The following SLC34A2 variants were observed in gnomAD, a reference collection of about 807,000 sequenced individuals.
SLC34A2 encodes solute carrier family 34 member 2.
Under a neutral mutation model 50.8 loss-of-function variants are expected in SLC34A2, and 41 were observed. The ratio of observed to expected loss-of-function variants is 0.81; its 90% confidence interval spans 0.63 to 1.05. The LOEUF (loss-of-function observed/expected upper bound fraction) is 1.05. Ranked by LOEUF, SLC34A2 falls within the 50% of genes least tolerant of loss-of-function variation. The pLI, the probability that SLC34A2 is intolerant of heterozygous loss-of-function variation, is 0.00. For synonymous variants in SLC34A2, 401 were observed against 364.2 expected, an observed-to-expected ratio of 1.10 and a Z score of -1.15; for missense variants, 879 against 876.7, an observed-to-expected ratio of 1.00 and a Z score of -0.03.
chr4:25,662,785 G>A lies in SLC34A2; in HGVS notation c.193G>A (p.Glu65Lys). 6.2e-7 allele frequency: 1 copy of A among 1,614,074 alleles called. No homozygotes were observed. The change falls in exon 3 of 13, where the codon GAG (glutamate) becomes AAG (lysine). Residue 65 changes from glutamate to lysine, a missense_variant. Physicochemically the swap from Glu to Lys is moderately conservative, Grantham distance 56. Coordinates refer to ENST00000382051, the MANE Select transcript of SLC34A2 (RefSeq NM_006424.3). ...GGCTACACTGATAGATGAGCCCACTGAGGTGGATGACCCCTGGAACCTACC... is the reference window on the plus strand; with the variant it reads ...GGCTACACTGATAGATGAGCCCACTAAGGTGGATGACCCCTGGAACCTACC... ...STATLIDEPTEVDDPWNLPTL... is the reference protein window; with the variant it reads ...STATLIDEPTKVDDPWNLPTL...
chr4:25,666,149 T>G lies in SLC34A2; in HGVS notation c.401T>G (p.Phe134Cys), dbSNP rs1276601969. Residue 134 changes from phenylalanine to cysteine, a missense_variant, in exon 5 of 13, where the codon TTC (phenylalanine) becomes TGC (cysteine). Coordinates refer to ENST00000382051, the MANE Select transcript of SLC34A2 (RefSeq NM_006424.3). ...CCAGGAAAAATGGCAGGACAGTTCT[T>G]CAGCAACAGCTCTATTATGTCCAAC... is the stretch of plus-strand genomic sequence containing the variant. Reference protein sequence around the residue: ...LVGGKMAGQFFSNSSIMSNPL... With the variant: ...LVGGKMAGQFCSNSSIMSNPL... 1.2e-6 allele frequency: 2 copies of G among 1,613,810 alleles called. No homozygotes were observed. Among genetic ancestry groups the G allele is most frequent in the Non-Finnish European group, 1.7e-6 (2 of 1,180,052 alleles).
chr4:25,674,702 C>T, intron 12 of SLC34A2, 73 bp downstream of exon 12: 1 of 1,590,756 alleles, frequency 6.3e-7, no homozygotes, highest in Non-Finnish European at 8.6e-7. Flanking sequence ...TGGTCTCTAA[C>T]AAGAGCCAGG....
In SLC34A2 at chr4:25,667,878, A is replaced by G. The variant is rs527878085; in HGVS notation, c.524-2A>G. ...TGCTAATGGTACTTTTCCATCCTCT[A>G]GTGCTCACTGTTCGGGCTGCCATCC... On this transcript the variant is annotated splice_acceptor_variant, in intron 5 of 12. Transcript: ENST00000382051. LOFTEE classifies it high-confidence loss of function. 1 of 1,602,548 alleles carries G rather than the reference A, an allele frequency of 6.2e-7. No homozygotes were observed. The highest frequency in any genetic ancestry group is 2.2e-5 in the East Asian group (1 of 44,828).
intron 1 of SLC34A2, among the ~76,000 whole-genome samples, chr4:25,656,135 C>T (rs1183024076): frequency 6.6e-6 from 1 of 152,226 alleles, no homozygotes; most frequent in Non-Finnish European, 1.5e-5. Flanking sequence ...ATCAGCCACA[C>T]TTGTGGATTC....
chr4:25,671,754 C>T, intron 9 of SLC34A2, 33 bp downstream of exon 9: 1 of 1,613,992 alleles, frequency 6.2e-7, no homozygotes, highest in South Asian at 1.1e-5. Context: ...GCCACTATGA[C>T]AGGTGTTGTC....
chr4:25,666,076 T>A, intron 4 of SLC34A2, 52 bp from the exon 5 acceptor site: 1 of 1,604,764 alleles, frequency 6.2e-7, no homozygotes, highest in Non-Finnish European at 8.5e-7. Context: ...GCCCACCTAA[T>A]CCCCCTCGAT....
intron 8 of SLC34A2, 114 bp downstream of exon 8, chr4:25,670,947 A>T: frequency 1.2e-6 from 1 of 867,270 alleles, no homozygotes; most frequent in Non-Finnish European, 1.9e-6. Flanking sequence ...AAATATTGGG[A>T]GTCCCTGAAA....
chr4:25,671,641 C>A lies in SLC34A2; in HGVS notation c.968C>A (p.Thr323Asn), dbSNP rs1714821143. 3 of 1,614,062 alleles carry A rather than the reference C, an allele frequency of 1.9e-6. No individual in the cohort carries two copies. The highest frequency in any genetic ancestry group is 2.7e-5 in the African/African-American group (2 of 74,922). The change falls in exon 9 of 13, where the codon ACC becomes AAC. Residue 323 changes from threonine to asparagine, a missense_variant. Coordinates refer to ENST00000382051, the MANE Select transcript of SLC34A2 (RefSeq NM_006424.3). ...ACTGTTCCCTCGACTGCTAACTGCA[C>A]CTCCCCTTCCCTCTGTTGGACGGAT... Reference protein sequence around the residue: ...NVTVPSTANCTSPSLCWTDGI... With the variant: ...NVTVPSTANCNSPSLCWTDGI...
intron 1 of SLC34A2, among the ~76,000 whole-genome samples, chr4:25,662,116 C>T (rs931491578): frequency 2.0e-5 from 3 of 152,216 alleles, no homozygotes; most frequent in Admixed American, 6.5e-5. Context: ...AGGTGATCCA[C>T]CTGTCTTGGC....
rs1208228191 is a variant in SLC34A2 at position 25,674,530 on chromosome 4, G to A, written c.1359G>A (p.Arg453=). 3.1e-6 allele frequency: 5 copies of A among 1,614,150 alleles called. No individual in the cohort carries two copies. The highest frequency in any genetic ancestry group is 4.2e-6 in the Non-Finnish European group (5 of 1,180,026). The change falls in exon 12 of 13, where the codon AGG becomes AGA. Residue 453 remains arginine (R), a synonymous_variant. Transcript: ENST00000382051. Reference sequence around the variant, plus strand: ...GAATCGGCGTGATAACCATTGAGAGGGCTTATCCACTCACGCTGGGCTCCA... The same window carrying A: ...GAATCGGCGTGATAACCATTGAGAGAGCTTATCCACTCACGCTGGGCTCCA... The part of the protein sequence containing the change: ...LIGIGVITIE[R]AYPLTLGSNI...
intron 3 of SLC34A2, among the ~76,000 whole-genome samples, chr4:25,663,097 C>T (rs527609886): frequency 6.6e-6 from 1 of 152,182 alleles, no homozygotes; most frequent in African/African-American, 2.4e-5. Flanking sequence ...GCCTCAGCCT[C>T]CTGAGTAGCT....
At chr4:25,661,514 A>G (rs898567443) in intron 1 of SLC34A2, among the ~76,000 whole-genome samples, 1 of 152,010 alleles carries the variant, frequency 6.6e-6, no homozygotes, top group African/African-American at 2.4e-5. Context: ...CAGCCTCCTA[A>G]GTAGCTGGGA....
intron 6 of SLC34A2, among the ~76,000 whole-genome samples, chr4:25,668,239 A>G (rs1002102961): frequency 6.6e-6 from 1 of 152,246 alleles, no homozygotes; most frequent in African/African-American, 2.4e-5. Flanking sequence ...GATTAAATAT[A>G]CAACCCAGCA....
chr4:25,664,284 C>A lies in SLC34A2; in HGVS notation c.333C>A (p.Phe111Leu). 1 of 1,607,514 alleles carries A rather than the reference C, an allele frequency of 6.2e-7. No homozygotes were observed. Among genetic ancestry groups the A allele is most frequent in the Non-Finnish European group, 8.5e-7 (1 of 1,176,698 alleles). Residue 111 changes from phenylalanine to leucine, a missense_variant, in exon 4 of 13, where the codon TTC (phenylalanine) becomes TTA (leucine). Physicochemically the swap from Phe to Leu is conservative, Grantham distance 22 (BLOSUM62 0). Transcript: ENST00000382051. The stretch of plus-strand genomic sequence containing the variant: ...TACTTCTCGGATTTCTCTACTTTTT[C>A]GTGTGCTCCCTGGATATTCTTAGTA... ...LILLLGFLYFFVCSLDILSSA... is the reference protein window; with the variant it reads ...LILLLGFLYFLVCSLDILSSA...
intron 1 of SLC34A2, among the ~76,000 whole-genome samples, chr4:25,660,472 C>T (rs906176366): frequency 6.6e-6 from 1 of 152,214 alleles, no homozygotes; most frequent in Admixed American, 6.5e-5. Context: ...AACATCTTCT[C>T]CAGCATAGCA....
chr4:25,660,189 G>A (rs912477176), intron 1 of SLC34A2, among the ~76,000 whole-genome samples: 1 of 152,176 alleles, frequency 6.6e-6, no homozygotes, highest in Non-Finnish European at 1.5e-5. Flanking sequence ...ATGAAGTGAT[G>A]GACAAGACAA....
chr4:25,676,509 C>A lies in SLC34A2; in HGVS notation c.1833C>A (p.Thr611=), dbSNP rs1715131394. The change falls in exon 13 of 13, where the codon ACC becomes ACA. Residue 611 remains threonine, a synonymous_variant. Transcript: ENST00000382051. ...KPWDAVVSKF[T]GCFQMRCCCC... ...GGGATGCCGTCGTCTCCAAGTTCACCGGCTGCTTCCAGATGCGCTGCTGCT... is the reference window on the plus strand; with the variant it reads ...GGGATGCCGTCGTCTCCAAGTTCACAGGCTGCTTCCAGATGCGCTGCTGCT... 6.2e-7 allele frequency: 1 copy of A among 1,614,094 alleles called. No individual in the cohort carries two copies. Among genetic ancestry groups the A allele is most frequent in the East Asian group, 2.2e-5 (1 of 44,872 alleles).
chr4:25,669,581 G>A, intron 6 of SLC34A2, 66 bp from the exon 7 acceptor site: 1 of 1,420,436 alleles, frequency 7.0e-7, no homozygotes, highest in Non-Finnish European at 9.9e-7. Context: ...TACAGGTAAT[G>A]ACCCACCTCA....
chr4:25,670,813 T>C lies in SLC34A2; in HGVS notation c.907T>C (p.Cys303Arg). The change falls in exon 8 of 13, where the codon TGC (cysteine) becomes CGC (arginine). Residue 303 changes from cysteine (C) to arginine (R), a missense_variant. Cys to Arg is a radical substitution (Grantham distance 180). Coordinates refer to ENST00000382051, the MANE Select transcript of SLC34A2 (RefSeq NM_006424.3). ...AKNKSLVKIW[C>R]KTFTNKTQIN... ...AAACAAGAGTCTTGTCAAGATTTGG[T>C]GCAAAACTTTTACCAACAAGGTACG... is the stretch of plus-strand genomic sequence containing the variant. 6.2e-7 allele frequency: 1 copy of C among 1,613,932 alleles called. No homozygotes were observed. Among genetic ancestry groups the C allele is most frequent in the Non-Finnish European group, 8.5e-7 (1 of 1,179,796 alleles).
Sources: allele counts gnomAD v4.1 joint callset (sites outside exome capture counted in the v4.1 genomes callset), GRCh38; gene constraint gnomAD v4.1.1; transcripts MANE v1.5; gene names NCBI Gene and HGNC (gene_info 2026-07-23, HGNC 2026-07-21).